NCBP3: variants seen among roughly 807,000 people sequenced by gnomAD.
The protein encoded by NCBP3 is nuclear cap-binding protein subunit 3.
NCBP3 carries 20 observed loss-of-function variants against 75.7 expected under a neutral mutation model. That is an observed-to-expected ratio of 0.26 (90% confidence interval 0.19 to 0.38). The LOEUF is 0.38. NCBP3 is among the 10% of genes least tolerant of loss of function. NCBP3 has a pLI of 1.00. For synonymous variants in NCBP3, 293 were observed against 290.5 expected, an observed-to-expected ratio of 1.01 and a Z score of -0.09; for missense variants, 678 against 796.9, an observed-to-expected ratio of 0.85 and a Z score of 1.80.
chr17:3,824,591 C>T (rs961857880), intron 7 of NCBP3: 2 of 170,362 alleles, frequency 1.2e-5, no homozygotes, highest in South Asian at 1.4e-4. Context: ...GAATTAGAAC[C>T]GAATGGTACA....
At chr17:3,830,472 T>A (rs1332083962) in intron 3 of NCBP3, among the ~76,000 whole-genome samples, 1 of 152,220 alleles carries the variant, frequency 6.6e-6, no homozygotes, top group Non-Finnish European at 1.5e-5. Context: ...TACATATTTA[T>A]GTACACAGAC....
intron 1 of NCBP3, among the ~76,000 whole-genome samples, chr17:3,843,976 C>T (rs981482223): frequency 1.3e-5 from 2 of 152,162 alleles, no homozygotes; most frequent in African/African-American, 4.8e-5. Flanking sequence ...AGAGCCTGTC[C>T]AAAAACTGAA....
chr17:3,832,293 CTACT>C (rs2053891495), intron 3 of NCBP3, among the ~76,000 whole-genome samples: 1 of 119,982 alleles, frequency 8.3e-6, no homozygotes, highest in Non-Finnish European at 2.0e-5. Context: ...ATATACCCAC[CTACT>C]ATGTACCCAC....
Position 3,808,863 on chromosome 17 carries a change from A to G in NCBP3, c.*4181T>C, listed in dbSNP as rs1035385346. 20 of 152,272 alleles carry G rather than the reference A, an allele frequency of 1.3e-4. 1 individual carries two copies. Among genetic ancestry groups the G allele is most frequent in the Admixed American group, 9.2e-4 (14 of 15,292 alleles). The allele number at this position is 152,272 out of a possible 1,614,324, so 9.4% of individuals were successfully genotyped here. On this transcript the variant is annotated 3_prime_UTR_variant, in exon 13 of 13. Transcript: ENST00000389005. The stretch of plus-strand genomic sequence containing the variant: ...GGAGTGTGGAATTTATTCTCGGGGC[A>G]ATAGTGAAGCTTTGGAAAACGTTCA...
intron 10 of NCBP3, among the ~76,000 whole-genome samples, chr17:3,817,144 C>G (rs141276089): frequency 6.6e-6 from 1 of 152,182 alleles, no homozygotes; most frequent in Non-Finnish European, 1.5e-5. Context: ...TAGACTCTAA[C>G]CCTTAGAACT....
Position 3,818,643 on chromosome 17 carries a change from CGGTG to C in NCBP3, c.1001-75_1001-72del. 1 of 1,498,736 alleles carries C rather than the reference CGGTG, an allele frequency of 6.7e-7. No individual in the cohort carries two copies. Among genetic ancestry groups the C allele is most frequent in the Admixed American group, 2.2e-5 (1 of 46,482 alleles). The allele number at this position is 1,498,736 out of a possible 1,614,324, so 92.8% of individuals were successfully genotyped here. On this transcript the variant is annotated intron_variant, in intron 9 of 12. Transcript: ENST00000389005. The surrounding 1 kb of genome is among the most constrained non-coding windows in gnomAD (Gnocchi z 4.7). ...ACAAGTATGATTTTCTACTCTACAT[CGGTG>C]ACCTTTTTAAAAGGTGGGGTTCCCA... is the stretch of plus-strand genomic sequence containing the variant.
chr17:3,820,282 T>C (rs1220896192), intron 9 of NCBP3, among the ~76,000 whole-genome samples: 11 of 152,052 alleles, frequency 7.2e-5, no homozygotes, highest in Admixed American at 3.9e-4. Flanking sequence ...ATCTCAAATA[T>C]ACAATTTTGT....
At chr17:3,825,269 C>T (rs2053763253) in intron 6 of NCBP3, among the ~76,000 whole-genome samples, 3 of 152,200 alleles carry the variant, frequency 2.0e-5, no homozygotes, top group Admixed American at 2.0e-4. Flanking sequence ...TCACAACACT[C>T]ATTGCCACCT....
At chr17:3,842,994 AAG>A in intron 2 of NCBP3, 90 bp downstream of exon 2, 1 of 1,082,488 alleles carries the variant, frequency 9.2e-7, no homozygotes. Flanking sequence ...AACAAAATAA[AAG>A]AGGAAATATT....
intron 9 of NCBP3, 101 bp downstream of exon 9, chr17:3,821,148 G>C: frequency 1.2e-6 from 1 of 800,930 alleles, no homozygotes; most frequent in East Asian, 2.6e-5. Flanking sequence ...GCAAGGAAGA[G>C]AGGATGATAA....
In NCBP3 at chr17:3,812,499, C is replaced by A; in HGVS notation, c.*545G>T. The A allele has an allele frequency of 1.0e-6, 1 of 991,922 alleles. No homozygotes were observed. Among genetic ancestry groups the A allele is most frequent in the East Asian group, 1.1e-4 (1 of 8,938 alleles). The allele number at this position is 991,922 out of a possible 1,614,324, so 61.4% of individuals were successfully genotyped here. A position where few individuals can be genotyped will look rare whatever the true frequency, so the allele number is the denominator to read the frequency against. ...ATGCTGCAGCTCTTATCTACCTGGGCGGCACTGGTGCACCTCTGAGGTCAG... is the reference window on the plus strand; with the variant it reads ...ATGCTGCAGCTCTTATCTACCTGGGAGGCACTGGTGCACCTCTGAGGTCAG... On this transcript the variant is annotated 3_prime_UTR_variant, in exon 13 of 13. Coordinates refer to ENST00000389005, the MANE Select transcript of NCBP3 (RefSeq NM_001114118.3).
chr17:3,823,224 T>C (rs528422670), intron 7 of NCBP3, among the ~76,000 whole-genome samples: 15 of 152,110 alleles, frequency 9.9e-5, no homozygotes, highest in African/African-American at 1.4e-4. Flanking sequence ...GACAGGAGAA[T>C]TGCTTGAACC....
At chr17:3,843,358 C>A (rs946187659) in intron 1 of NCBP3, among the ~76,000 whole-genome samples, 1 of 152,102 alleles carries the variant, frequency 6.6e-6, no homozygotes, top group East Asian at 1.9e-4. Flanking sequence ...CCATCCTCCC[C>A]CTCAGCTGGG....
At chr17:3,814,660 G>C (rs1567580288) in intron 11 of NCBP3, among the ~76,000 whole-genome samples, 177 bp from the exon 12 acceptor site, 1 of 151,966 alleles carries the variant, frequency 6.6e-6, no homozygotes, top group South Asian at 2.1e-4. Flanking sequence ...AGGAAAATTC[G>C]GACATAGGGG....
At chr17:3,814,275 C>T in intron 12 of NCBP3, 47 bp downstream of exon 12, 3 of 1,599,936 alleles carry the variant, frequency 1.9e-6, no homozygotes, top group Non-Finnish European at 2.6e-6. Context: ...CCACTGTCCT[C>T]TGCTCTCACT....
rs1567599174 is a variant in NCBP3, at chr17:3,846,090, C to A, written c.134G>T (p.Gly45Val). Residue 45 changes from glycine to valine, a missense_variant, in exon 1 of 13, where the codon GGC becomes GTC. Gly to Val is a moderately radical substitution (Grantham distance 109). This residue lies in a region of NCBP3 where 46 missense variants were observed against 82.8 expected (regional missense o/e 0.56). Transcript: ENST00000389005. This position sits in a 1 kb window ranked among gnomAD's most constrained non-coding sequence, Gnocchi z 4.6. ...CCGCACAGGCACGATTTCCAGCTCG[C>A]CCTCCTCCACCTCCATGGGCTCCGG... ...GEPEPMEVEE[G>V]ELEIVPVRRS... 1 of 1,549,424 alleles carries A rather than the reference C, an allele frequency of 6.5e-7. No individual in the cohort carries two copies. The highest frequency in any genetic ancestry group is 2.0e-5 in the Admixed American group (1 of 50,936).
chr17:3,827,818 A>C (rs2053814327), intron 4 of NCBP3, among the ~76,000 whole-genome samples: 1 of 152,160 alleles, frequency 6.6e-6, no homozygotes, highest in Non-Finnish European at 1.5e-5. Flanking sequence ...CTCAAGCAAA[A>C]TCTAGCCCAC....
chr17:3,815,968 T>C (rs534585806), intron 11 of NCBP3, 148 bp downstream of exon 11: 202 of 632,126 alleles, frequency 3.2e-4, no homozygotes, highest in South Asian at 2.4e-3. Context: ...TTCCTCAATT[T>C]CCAACACCTA....
intron 9 of NCBP3, among the ~76,000 whole-genome samples, chr17:3,819,379 T>A (rs2053616639): frequency 6.6e-6 from 1 of 152,044 alleles, no homozygotes; most frequent in Admixed American, 6.6e-5. Flanking sequence ...AACATGCTAA[T>A]ACCCTGTCTC....
Sources: gnomAD v4.1 joint callset for allele counts (sites outside exome capture counted in the v4.1 genomes callset) on GRCh38, gnomAD v4.1.1 for gene constraint, gnomAD v4.1.1 regional missense constraint, Gnocchi (gnomAD v3.1) non-coding constraint, MANE v1.5 for transcripts, NCBI Gene and HGNC (gene_info 2026-07-23, HGNC 2026-07-21) for gene names.